DLGAP2: variants seen among roughly 807,000 people sequenced by gnomAD.
The protein encoded by DLGAP2 is disks large-associated protein 2.
A neutral mutation model predicts 100.3 loss-of-function variants in DLGAP2; 26 were observed. That is an observed-to-expected ratio of 0.26 (90% CI 0.19 to 0.36). DLGAP2 has a LOEUF of 0.36. Ranked by LOEUF, DLGAP2 falls within the 10% of genes least tolerant of loss-of-function variation. The probability of loss-of-function intolerance (pLI) is 1.00; values close to 1 mark genes in which losing one functional copy is unlikely to be tolerated. For missense variants in DLGAP2, 1,858 were observed against 1,453.2 expected (o/e 1.28, Z -4.53); for synonymous variants, 886 against 630.1 (o/e 1.41, Z -6.08).
At chr8:1,370,093 G>A (rs1352837146) in intron 3 of DLGAP2, among the ~76,000 whole-genome samples, 1 of 152,190 alleles carries the variant, frequency 6.6e-6, no homozygotes, top group Non-Finnish European at 1.5e-5. Flanking sequence ...TCCCTAGGCA[G>A]CTTTTCTCCC....
chr8:1,062,730 G>T (rs184032727), intron 2 of DLGAP2, among the ~76,000 whole-genome samples: 1 of 152,242 alleles, frequency 6.6e-6, no homozygotes, highest in Admixed American at 6.5e-5. Context: ...AGCAGCTGGG[G>T]GTAGTTGGGG....
chr8:1,493,261 C>G (rs1232582980), intron 3 of DLGAP2, among the ~76,000 whole-genome samples: 1 of 152,180 alleles, frequency 6.6e-6, no homozygotes, highest in Non-Finnish European at 1.5e-5. Context: ...CTTTCATCTC[C>G]GCAGCTCTGA....
intron 2 of DLGAP2, among the ~76,000 whole-genome samples, chr8:1,130,019 G>T (rs902505517): frequency 1.3e-5 from 2 of 152,190 alleles, no homozygotes; most frequent in Non-Finnish European, 2.9e-5. Context: ...TGCGCGTGTA[G>T]CTCACGTCGG....
intron 2 of DLGAP2, among the ~76,000 whole-genome samples, chr8:1,123,343 A>G (rs1796092790): frequency 6.6e-6 from 1 of 152,190 alleles, no homozygotes; most frequent in Admixed American, 6.5e-5. Context: ...GCGGGTGATA[A>G]TATTTAAATT....
At chr8:1,695,581 G>C (rs7821043) in intron 13 of DLGAP2, among the ~76,000 whole-genome samples, 1 of 146,828 alleles carries the variant, frequency 6.8e-6, no homozygotes, top group African/African-American at 2.7e-5. Flanking sequence ...ACAGAAAGAG[G>C]GGGCACAGCC....
intron 3 of DLGAP2, among the ~76,000 whole-genome samples, chr8:1,485,708 A>C (rs571682889): frequency 6.6e-6 from 1 of 152,292 alleles, no homozygotes; most frequent in African/African-American, 2.4e-5. Flanking sequence ...GAACCTTTGA[A>C]AGGGCCCAGG....
intron 2 of DLGAP2, among the ~76,000 whole-genome samples, chr8:1,173,630 T>C (rs4327880): frequency 0.8 from 122,147 of 152,082 alleles, 49,208 homozygotes; most frequent in Admixed American, 0.85. Context: ...AGTTTGATCT[T>C]AGACTGCTGT....
chr8:1,489,146 G>C (rs1799304819), intron 3 of DLGAP2, among the ~76,000 whole-genome samples: 2 of 152,176 alleles, frequency 1.3e-5, no homozygotes, highest in South Asian at 4.1e-4. Flanking sequence ...TGTGTTACCT[G>C]TGGACTGTAA....
At chr8:1,532,176 C>T (rs1801008236) in intron 4 of DLGAP2, among the ~76,000 whole-genome samples, 1 of 152,130 alleles carries the variant, frequency 6.6e-6, no homozygotes, top group African/African-American at 2.4e-5. Context: ...TGAGCAGTTC[C>T]CAGCCTGATT....
At chr8:1,632,715 A>G (rs1176809517) in intron 7 of DLGAP2, 112 bp from the exon 8 acceptor site, 11 of 1,022,118 alleles carry the variant, frequency 1.1e-5, no homozygotes, top group African/African-American at 8.1e-5. Flanking sequence ...ACTGTGCTGA[A>G]CTATGAGGCA....
chr8:1,189,773 C>T (rs867941899), intron 2 of DLGAP2, among the ~76,000 whole-genome samples: 15 of 152,194 alleles, frequency 9.9e-5, no homozygotes, highest in African/African-American at 2.2e-4. Context: ...ATACAGCCGC[C>T]TGCCTGGGCC....
intron 2 of DLGAP2, among the ~76,000 whole-genome samples, chr8:997,034 T>C (rs2129017158): frequency 6.6e-6 from 1 of 152,326 alleles, no homozygotes; most frequent in Middle Eastern, 3.4e-3. Flanking sequence ...TGCTGTGTTT[T>C]TCAGCAGTAG....
intron 4 of DLGAP2, among the ~76,000 whole-genome samples, chr8:1,536,559 A>G (rs1801159884): frequency 6.6e-6 from 1 of 152,120 alleles, no homozygotes; most frequent in African/African-American, 2.4e-5. Flanking sequence ...GGCGTGATGG[A>G]CTTTGTGCTT....
chr8:926,426 G>A (rs565313240), intron 2 of DLGAP2, among the ~76,000 whole-genome samples: 1 of 152,294 alleles, frequency 6.6e-6, no homozygotes, highest in East Asian at 1.9e-4. Context: ...CCAGGTCGGG[G>A]GTCTGTGTGT....
chr8:1,418,701 T>C (rs975556538), intron 3 of DLGAP2, among the ~76,000 whole-genome samples: 1 of 152,172 alleles, frequency 6.6e-6, no homozygotes, highest in African/African-American at 2.4e-5. Context: ...CAAATGTGTG[T>C]ATATTTTCCC....
chr8:1,549,256 A>T lies in DLGAP2; in HGVS notation c.803A>T (p.His268Leu). 6.2e-7 allele frequency: 1 copy of T among 1,610,076 alleles called. No homozygotes were observed. Among genetic ancestry groups the T allele is most frequent in the Non-Finnish European group, 8.5e-7 (1 of 1,179,012 alleles). The change falls in exon 5 of 15, where the codon CAC becomes CTC. Residue 268 changes from histidine to leucine, a missense_variant. Coordinates refer to ENST00000637795, the MANE Select transcript of DLGAP2 (RefSeq NM_001346810.2). ...GACGGCCGGGCGGACGACCACCACCACGCCCACCACGCCAAGCACAGCAAG... is the reference window on the plus strand; with the variant it reads ...GACGGCCGGGCGGACGACCACCACCTCGCCCACCACGCCAAGCACAGCAAG... ...KADGRADDHH[H>L]AHHAKHSKRS...
chr8:1,253,292 G>A (rs1203611776), intron 2 of DLGAP2, among the ~76,000 whole-genome samples: 4 of 152,142 alleles, frequency 2.6e-5, no homozygotes, highest in East Asian at 1.9e-4. Context: ...CTTTCTTCCC[G>A]GGGCTCCAGG....
intron 4 of DLGAP2, among the ~76,000 whole-genome samples, chr8:1,542,017 A>C (rs1374582588): frequency 6.6e-6 from 1 of 152,264 alleles, no homozygotes; most frequent in Non-Finnish European, 1.5e-5. Context: ...TATAGTGATC[A>C]GAGCAACACA....
chr8:1,140,420 C>T (rs145255759), intron 2 of DLGAP2, among the ~76,000 whole-genome samples: 243 of 148,720 alleles, frequency 1.6e-3, no homozygotes, highest in African/African-American at 5.4e-3. Flanking sequence ...GCTTGTTCCC[C>T]TACCAGTGGT....
Sources: gnomAD v4.1 joint callset for allele counts (sites outside exome capture counted in the v4.1 genomes callset) on GRCh38, gnomAD v4.1.1 for gene constraint, MANE v1.5 for transcripts, NCBI Gene and HGNC (gene_info 2026-07-23, HGNC 2026-07-21) for gene names.